The following CEP63 variants were observed in gnomAD, a reference collection of about 807,000 sequenced individuals.
CEP63 encodes centrosomal protein of 63 kDa.
Under a neutral mutation model 89.1 loss-of-function variants are expected in CEP63, and 84 were observed. The ratio of observed to expected loss-of-function variants is 0.94; its 90% CI spans 0.79 to 1.13. The LOEUF (loss-of-function observed/expected upper bound fraction) is 1.13, where lower values mean the gene tolerates loss of function less well. Ranked by LOEUF, CEP63 falls within the 50% of genes most tolerant of loss-of-function variation. CEP63 has a pLI of 0.00. For missense variants in CEP63, 838 were observed against 813.3 expected, an observed-to-expected ratio of 1.03 and a Z score of -0.37; for synonymous variants, 267 against 272.5, an observed-to-expected ratio of 0.98 and a Z score of 0.20.
the CEP63 span, among the ~76,000 whole-genome samples, chr3:134,756,852 G>A: frequency 6.6e-6 from 1 of 152,190 alleles, no homozygotes; most frequent in East Asian, 1.9e-4. Context: ...CATCTGAAGG[G>A]CTGTCACACA....
chr3:134,538,557 A>ATATATATATATATATATATATATATATG, intron 6 of CEP63, among the ~76,000 whole-genome samples: 2 of 126,092 alleles, frequency 1.6e-5, no homozygotes, highest in East Asian at 2.2e-4. Flanking sequence ...ATATATATGT[A>ATATATATATATATATATATATATATATG]TATATATATT....
the CEP63 span, among the ~76,000 whole-genome samples, chr3:134,616,671 C>T: frequency 2.0e-5 from 3 of 152,160 alleles, no homozygotes; most frequent in Non-Finnish European, 4.4e-5. Flanking sequence ...TAATGATAAG[C>T]TGCAGGCCAG....
intron 1 of CEP63, among the ~76,000 whole-genome samples, chr3:134,493,229 A>G (rs1162357636): frequency 6.6e-6 from 1 of 152,110 alleles, no homozygotes; most frequent in East Asian, 1.9e-4. Context: ...GGCTGTTAGA[A>G]CCCATGAAAA....
the CEP63 span, among the ~76,000 whole-genome samples, chr3:134,620,249 C>T: frequency 3.9e-5 from 6 of 152,196 alleles, no homozygotes; most frequent in African/African-American, 1.4e-4. Context: ...CTCCAAGAAC[C>T]TTGGAGACTG....
the CEP63 span, among the ~76,000 whole-genome samples, chr3:134,666,057 C>A: frequency 2.0e-5 from 3 of 152,034 alleles, no homozygotes; most frequent in African/African-American, 7.2e-5. Context: ...GAGAGAGAGA[C>A]AGAGAGACAA....
chr3:134,761,017 T>TAA, the CEP63 span, among the ~76,000 whole-genome samples: 3 of 141,320 alleles, frequency 2.1e-5, no homozygotes, highest in Non-Finnish European at 3.1e-5. Flanking sequence ...AGACATTTGT[T>TAA]AAAAAAAAAA....
At position 134,564,429 on chromosome 3, in the gene CEP63, C is replaced by T. The variant is rs956166667; in HGVS notation, c.*2894C>T. 1 of 985,476 alleles carries T rather than the reference C, an allele frequency of 1.0e-6. No homozygotes were observed. The highest frequency in any genetic ancestry group is 1.2e-6 in the Non-Finnish European group (1 of 829,964). 61.0% of individuals were successfully genotyped at this position (985,476 alleles called of 1,614,324 possible). On this transcript the variant is annotated 3_prime_UTR_variant, in exon 15 of 15. Coordinates refer to ENST00000675561, the MANE Select transcript of CEP63 (RefSeq NM_001353108.3). ...CTGACCCATGTCAGGGAACGTTTCT[C>T]CTCATTGCTGTCATGGCACCCTGTG...
chr3:134,635,620 G>T, the CEP63 span, among the ~76,000 whole-genome samples: 1 of 151,994 alleles, frequency 6.6e-6, no homozygotes, highest in African/African-American at 2.4e-5. Flanking sequence ...TTCCGATGGT[G>T]GTGTATTCTG....
Position 134,564,234 on chromosome 3 carries a change from T to C in CEP63, c.*2699T>C. 4.1e-6 allele frequency: 4 copies of C among 985,324 alleles called. No individual in the cohort carries two copies. The highest frequency in any genetic ancestry group is 4.8e-6 in the Non-Finnish European group (4 of 829,858). The allele number at this position is 985,324 out of a possible 1,614,324, so 61.0% of individuals were successfully genotyped here. A position where few individuals can be genotyped will look rare whatever the true frequency, so the allele number is the denominator to read the frequency against. ...CAACACTTAGGAGAGGCTCAGCTAGTTTGAACCAATGGAAAATGCCATTCC... is the reference window on the plus strand; with the variant it reads ...CAACACTTAGGAGAGGCTCAGCTAGCTTGAACCAATGGAAAATGCCATTCC... On this transcript the variant is annotated 3_prime_UTR_variant, in exon 15 of 15. Transcript: ENST00000675561.
the CEP63 span, chr3:134,606,944 C>G: frequency 1.1e-5 from 11 of 985,234 alleles, no homozygotes; most frequent in Non-Finnish European, 1.3e-5. Flanking sequence ...TTGTTTCCTT[C>G]CCCTCCCCTC....
chr3:134,701,931 A>G, the CEP63 span, among the ~76,000 whole-genome samples: 1 of 152,130 alleles, frequency 6.6e-6, no homozygotes, highest in African/African-American at 2.4e-5. Context: ...CATCCCACAA[A>G]AACAAGCTAC....
At chr3:134,654,115 C>T in the CEP63 span, among the ~76,000 whole-genome samples, 1 of 152,200 alleles carries the variant, frequency 6.6e-6, no homozygotes, top group African/African-American at 2.4e-5. Flanking sequence ...CACTTAGACA[C>T]ATCCAGCTGT....
chr3:134,753,892 C>CAT, the CEP63 span, among the ~76,000 whole-genome samples: 143,536 of 152,152 alleles, frequency 0.94, 68,290 homozygotes, highest in East Asian at 1. Context: ...GGGACACAAA[C>CAT]GTGTAAGCCA....
the CEP63 span, among the ~76,000 whole-genome samples, chr3:134,598,541 C>T: frequency 5.3e-5 from 8 of 152,254 alleles, no homozygotes; most frequent in South Asian, 2.1e-4. Flanking sequence ...GTAATAGGGC[C>T]GGGAGGCTTC....
At chr3:134,557,376 G>GTTTTTTGTTTTTT (rs1956393276) in intron 12 of CEP63, among the ~76,000 whole-genome samples, 6 of 101,500 alleles carry the variant, frequency 5.9e-5, no homozygotes, top group African/African-American at 3.0e-4. Context: ...TTCATAATTT[G>GTTTTTTGTTTTTT]TTTTTTTTTT....
chr3:134,520,784 C>CT (rs1947272194), intron 3 of CEP63, among the ~76,000 whole-genome samples: 1 of 152,102 alleles, frequency 6.6e-6, no homozygotes, highest in Non-Finnish European at 1.5e-5. Context: ...GGTGGGGAGT[C>CT]TTTTCAATAC....
intron 13 of CEP63, among the ~76,000 whole-genome samples, chr3:134,558,892 C>T (rs1449587060): frequency 2.0e-5 from 3 of 152,110 alleles, no homozygotes; most frequent in African/African-American, 7.2e-5. Flanking sequence ...CCAGCACTAA[C>T]CACACTAGAT....
the CEP63 span, among the ~76,000 whole-genome samples, chr3:134,717,071 T>G: frequency 3.3e-5 from 5 of 152,294 alleles, no homozygotes; most frequent in African/African-American, 9.6e-5. Context: ...TCTGGCCTAT[T>G]GTCTGGAGCA....
intron 2 of CEP63, among the ~76,000 whole-genome samples, chr3:134,498,111 A>T (rs753160603): frequency 2.6e-5 from 4 of 152,112 alleles, no homozygotes; most frequent in Non-Finnish European, 5.9e-5. Context: ...GAAGCATGTC[A>T]TAGGTATTTT....
Sources: gnomAD v4.1 joint callset for allele counts (sites outside exome capture counted in the v4.1 genomes callset) on GRCh38, gnomAD v4.1.1 for gene constraint, MANE v1.5 for transcripts, NCBI Gene and HGNC (gene_info 2026-07-23, HGNC 2026-07-21) for gene names.